The following YAF2 variants were observed in gnomAD, a reference collection of about 807,000 sequenced individuals.
YAF2 encodes YY1 associated factor 2, also known as YY1-associated factor 2.
A neutral mutation model predicts 20.1 loss-of-function variants in YAF2; 7 were observed. That is an observed-to-expected ratio of 0.35 (90% CI 0.20 to 0.65). The LOEUF (loss-of-function observed/expected upper bound fraction) is 0.65, where lower values mean the gene tolerates loss of function less well. YAF2 is among the 30% of genes least tolerant of loss of function. The pLI is 0.69. For missense variants in YAF2, 151 were observed against 219.2 expected (o/e 0.69, Z 1.96); for synonymous variants, 74 against 76.0 (o/e 0.97, Z 0.14).
At chr12:42,227,624 T>G (rs1453435871) in intron 2 of YAF2, among the ~76,000 whole-genome samples, 3 of 143,074 alleles carry the variant, frequency 2.1e-5, no homozygotes, top group Non-Finnish European at 3.0e-5. Context: ...TCTGAGAAGT[T>G]AGGAGCCCCT....
chr12:42,191,477 T>C (rs937088404), intron 2 of YAF2, among the ~76,000 whole-genome samples: 4 of 152,188 alleles, frequency 2.6e-5, no homozygotes, highest in Non-Finnish European at 5.9e-5. Flanking sequence ...ACTAAGTGCA[T>C]AGGTGGGCTT....
intron 2 of YAF2, among the ~76,000 whole-genome samples, chr12:42,203,210 T>C (rs923531135): frequency 3.3e-5 from 5 of 152,206 alleles, no homozygotes; most frequent in African/African-American, 1.2e-4. Flanking sequence ...TCATGTCTAA[T>C]TTTATGTCCT....
chr12:42,193,083 G>A (rs550396765), intron 2 of YAF2, among the ~76,000 whole-genome samples: 27 of 152,224 alleles, frequency 1.8e-4, no homozygotes, highest in Middle Eastern at 3.4e-3. Flanking sequence ...GGTGGCCGAG[G>A]GGGGGCAGAT....
chr12:42,192,401 C>A (rs1319293290), intron 2 of YAF2, among the ~76,000 whole-genome samples: 1 of 151,570 alleles, frequency 6.6e-6, no homozygotes, highest in African/African-American at 2.4e-5. Context: ...CCCACCTACT[C>A]AGGAGGCTGA....
At chr12:42,215,065 C>A (rs1335740072) in intron 2 of YAF2, among the ~76,000 whole-genome samples, 1 of 152,098 alleles carries the variant, frequency 6.6e-6, no homozygotes, top group African/African-American at 2.4e-5. Context: ...GTCTTGTTCT[C>A]CTCTGTAACT....
At chr12:42,210,604 T>G (rs1474034348) in intron 2 of YAF2, 5 of 1,536,114 alleles carry the variant, frequency 3.3e-6, no homozygotes, top group East Asian at 2.4e-5. Flanking sequence ...TCACAATAAC[T>G]TCAAACAATG....
At chr12:42,179,463 C>T (rs2066283928) in intron 2 of YAF2, among the ~76,000 whole-genome samples, 1 of 152,154 alleles carries the variant, frequency 6.6e-6, no homozygotes, top group Non-Finnish European at 1.5e-5. Context: ...AAGCGAGATT[C>T]CACCTCAATA....
intron 2 of YAF2, among the ~76,000 whole-genome samples, chr12:42,183,722 T>C (rs2066401940): frequency 6.6e-6 from 1 of 152,214 alleles, no homozygotes; most frequent in East Asian, 1.9e-4. Flanking sequence ...CATCAAGTTA[T>C]ACAGAAGATC....
intron 2 of YAF2, chr12:42,199,223 C>A: frequency 7.8e-7 from 1 of 1,288,966 alleles, no homozygotes; most frequent in South Asian, 1.2e-5. Context: ...ACCAGGCTCT[C>A]TTCCTGTTAT....
intron 2 of YAF2, among the ~76,000 whole-genome samples, chr12:42,229,221 G>GT (rs2067897542): frequency 9.4e-6 from 1 of 106,464 alleles, no homozygotes; most frequent in South Asian, 3.8e-4. Flanking sequence ...CAGCATGCTC[G>GT]TTAAGAGTCA....
intron 2 of YAF2, chr12:42,234,331 A>G (rs1054779915): frequency 2.0e-6 from 2 of 985,352 alleles, no homozygotes; most frequent in African/African-American, 3.5e-5. Context: ...TCAGTTTGAC[A>G]TTTACTACTG....
At chr12:42,206,802 T>C (rs1321111428) in intron 2 of YAF2, among the ~76,000 whole-genome samples, 1 of 152,150 alleles carries the variant, frequency 6.6e-6, no homozygotes, top group African/African-American at 2.4e-5. Flanking sequence ...AGTTCTATTA[T>C]TCCCATTTTA....
intron 2 of YAF2, among the ~76,000 whole-genome samples, chr12:42,202,984 T>C (rs1407895410): frequency 6.6e-6 from 1 of 152,058 alleles, no homozygotes; most frequent in African/African-American, 2.4e-5. Context: ...ACAGAGCAAG[T>C]TCCTCCTCAT....
intron 2 of YAF2, among the ~76,000 whole-genome samples, chr12:42,167,354 GA>G (rs2065939679): frequency 2.0e-5 from 3 of 151,988 alleles, no homozygotes; most frequent in Admixed American, 1.3e-4. Context: ...ACTATCTCAA[GA>G]TATAGGAAAA....
chr12:42,188,740 A>G (rs538951971), intron 2 of YAF2, among the ~76,000 whole-genome samples: 59 of 152,046 alleles, frequency 3.9e-4, no homozygotes, highest in Admixed American at 3.3e-3. Context: ...GTACAATTTT[A>G]TTATGTAATA....
chr12:42,165,941 G>A (rs960445240), intron 2 of YAF2, among the ~76,000 whole-genome samples: 9 of 145,962 alleles, frequency 6.2e-5, no homozygotes, highest in Admixed American at 2.7e-4. Flanking sequence ...TGAATGAGAC[G>A]GAGTCTCACA....
intron 2 of YAF2, among the ~76,000 whole-genome samples, chr12:42,173,963 T>C (rs918325707): frequency 2.6e-5 from 4 of 152,158 alleles, no homozygotes; most frequent in Admixed American, 2.0e-4. Flanking sequence ...CATCCATCTC[T>C]CTGCCCACTG....
At chr12:42,204,993 T>C (rs1370855003) in intron 2 of YAF2, among the ~76,000 whole-genome samples, 2 of 151,874 alleles carry the variant, frequency 1.3e-5, no homozygotes, top group East Asian at 3.9e-4. Context: ...TAAAACCTAC[T>C]GAATTGTACA....
At chr12:42,235,502 G>C in intron 2 of YAF2, 1 of 1,268,270 alleles carries the variant, frequency 7.9e-7, no homozygotes, top group Admixed American at 3.4e-5. Context: ...GAAAATAACA[G>C]ATAACAGAGA....
Sources: allele counts gnomAD v4.1 joint callset (sites outside exome capture counted in the v4.1 genomes callset), GRCh38; gene constraint gnomAD v4.1.1; transcripts MANE v1.5; gene names NCBI Gene and HGNC (gene_info 2026-07-23, HGNC 2026-07-21).